Variants in ZDHHC22 observed in about 807,000 individuals in gnomAD.
ZDHHC22 encodes the protein palmitoyltransferase ZDHHC22.
Under a neutral mutation model 17.0 loss-of-function variants are expected in ZDHHC22, and 13 were observed. The ratio of observed to expected loss-of-function variants is 0.76; its 90% CI spans 0.50 to 1.21. ZDHHC22 has a LOEUF of 1.21. Among genes scored for constraint, ZDHHC22 ranks in the 50% most tolerant of loss-of-function variants. The pLI, the probability that ZDHHC22 is intolerant of heterozygous loss-of-function variation, is 0.00. For missense variants in ZDHHC22, 319 were observed against 342.3 expected (o/e 0.93, Z 0.54); for synonymous variants, 138 against 154.7 (o/e 0.89, Z 0.80).
Position 77,132,751 on chromosome 14 carries a change from A to G in ZDHHC22, c.*932T>C, listed in dbSNP as rs1418405183. ...TCCCTCTCACTTCTCCCTTTCCCCT[A>G]GGCATTATTCCTATATGTTTCTAAC... is the stretch of plus-strand genomic sequence containing the variant. On this transcript the variant is annotated 3_prime_UTR_variant, in exon 3 of 3. Coordinates refer to ENST00000319374, the MANE Select transcript of ZDHHC22 (RefSeq NM_174976.2). The G allele has an allele frequency of 6.9e-6, 1 of 145,482 alleles. No homozygotes were observed. The highest frequency in any genetic ancestry group is 1.5e-5 in the Non-Finnish European group (1 of 66,656). The allele number at this position is 145,482 out of a possible 1,614,324, so 9.0% of individuals were successfully genotyped here. A position where few individuals can be genotyped will look rare whatever the true frequency, so the allele number is the denominator to read the frequency against.
At chr14:77,138,266 G>A (rs1447572998) in intron 2 of ZDHHC22, among the ~76,000 whole-genome samples, 2 of 152,204 alleles carry the variant, frequency 1.3e-5, no homozygotes, top group African/African-American at 4.8e-5. Flanking sequence ...TAGTTAAAGT[G>A]CAGTCCTCAG....
At position 77,133,923 on chromosome 14, in the gene ZDHHC22, G is replaced by T; in HGVS notation, c.552C>A (p.Phe184Leu). ...FSGAVLGSEM[F>L]VILMLYLWFA... ...ACCAGAGGTAGAGCATGAGGATGAC[G>T]AACATTTCAGAACCCAGGACAGCTC... The change falls in exon 3 of 3, where the codon TTC becomes TTA. Residue 184 changes from phenylalanine to leucine, a missense_variant. Coordinates refer to ENST00000319374, the MANE Select transcript of ZDHHC22 (RefSeq NM_174976.2). 1 of 1,602,620 alleles carries T rather than the reference G, an allele frequency of 6.2e-7. No individual in the cohort carries two copies. The highest frequency in any genetic ancestry group is 1.1e-5 in the South Asian group (1 of 89,104).
chr14:77,133,640 G>A lies in ZDHHC22; in HGVS notation c.*43C>T. 1 of 1,580,128 alleles carries A rather than the reference G, an allele frequency of 6.3e-7. No homozygotes were observed. The highest frequency in any genetic ancestry group is 1.3e-5 in the African/African-American group (1 of 74,516). On this transcript the variant is annotated 3_prime_UTR_variant, in exon 3 of 3. Coordinates refer to ENST00000319374, the MANE Select transcript of ZDHHC22 (RefSeq NM_174976.2). ...GGCTGCCATGGTTTTATGCTCAGGA[G>A]GAGTCAAGACAGAGACAGAGAGATA... is the stretch of plus-strand genomic sequence containing the variant.
chr14:77,138,411 A>G (rs1887178519), intron 2 of ZDHHC22, among the ~76,000 whole-genome samples: 1 of 152,196 alleles, frequency 6.6e-6, no homozygotes, highest in Non-Finnish European at 1.5e-5. Context: ...TACAAAAATT[A>G]GTGTGGCGTG....
In ZDHHC22 at chr14:77,132,346, C is replaced by T. The variant is rs975951701; in HGVS notation, c.*1337G>A. On this transcript the variant is annotated 3_prime_UTR_variant, in exon 3 of 3. Transcript: ENST00000319374. ...CCCTGTCCTCAAATGTCAGTCCCCT[C>T]AACCACCCAGGTAGCCCTGTCTCTG... is the stretch of plus-strand genomic sequence containing the variant. The T allele has an allele frequency of 2.0e-5, 3 of 152,396 alleles. No homozygotes were observed. Among genetic ancestry groups the T allele is most frequent in the Non-Finnish European group, 4.4e-5 (3 of 68,132 alleles). 9.4% of individuals were successfully genotyped at this position (152,396 alleles called of 1,614,324 possible). A position where few individuals can be genotyped will look rare whatever the true frequency, so the allele number is the denominator to read the frequency against.
chr14:77,136,766 CT>C (rs1232680857), intron 2 of ZDHHC22, among the ~76,000 whole-genome samples: 1 of 152,062 alleles, frequency 6.6e-6, no homozygotes, highest in African/African-American at 2.4e-5. Context: ...AGCTCAATTT[CT>C]TTCTTTCTTT....
chr14:77,137,692 T>A (rs1887164715), intron 2 of ZDHHC22, among the ~76,000 whole-genome samples: 1 of 152,124 alleles, frequency 6.6e-6, no homozygotes, highest in African/African-American at 2.4e-5. Flanking sequence ...CCCCTGTATC[T>A]CTGTGTTCCC....
rs763357932 is a variant in ZDHHC22, at chr14:77,139,269, G to A, written c.470C>T (p.Ala157Val). The change falls in exon 2 of 3, where the codon GCC becomes GTC. Residue 157 changes from alanine (A) to valine (V), a missense_variant. Ala to Val is a moderately conservative substitution (Grantham distance 64). Coordinates refer to ENST00000319374, the MANE Select transcript of ZDHHC22 (RefSeq NM_174976.2). ...GAGCGTGAGGAAGGCCAAGGGGTGGGCGAAGGAGATGGAAAGGACAGCGGA... is the reference window on the plus strand; with the variant it reads ...GAGCGTGAGGAAGGCCAAGGGGTGGACGAAGGAGATGGAAAGGACAGCGGA... Reference protein sequence around the residue: ...YISAVLSISFAHPLAFLTLLP... With the variant: ...YISAVLSISFVHPLAFLTLLP... 4.6e-5 allele frequency: 73 copies of A among 1,595,404 alleles called. No homozygotes were observed. Among genetic ancestry groups the A allele is most frequent in the Non-Finnish European group, 5.8e-5 (68 of 1,171,294 alleles).
intron 2 of ZDHHC22, among the ~76,000 whole-genome samples, chr14:77,139,000 T>C (rs1887189786): frequency 6.6e-6 from 1 of 152,252 alleles, no homozygotes; most frequent in South Asian, 2.1e-4. Flanking sequence ...AGATAGCCAA[T>C]AGCAAATTTT....
rs895795595 is a variant in ZDHHC22 at position 77,139,664 on chromosome 14, C to T, written c.75G>A (p.Leu25=). ...TGCTGGGCAGGAAGAGGAAGAGCTG[C>T]AGCACGAAGGTCACCAGGGAGATGC... The part of the protein sequence containing the change: ...FLCISLVTFV[L]QLFLFLPSMR... Residue 25 remains leucine (L), a synonymous_variant, in exon 2 of 3, where the codon CTG becomes CTA. Transcript: ENST00000319374. The T allele has an allele frequency of 1.3e-6, 2 of 1,567,182 alleles. No individual in the cohort carries two copies. The highest frequency in any genetic ancestry group is 1.7e-6 in the Non-Finnish European group (2 of 1,156,320).
At chr14:77,135,003 G>A (rs1887107420) in intron 2 of ZDHHC22, among the ~76,000 whole-genome samples, 1 of 152,204 alleles carries the variant, frequency 6.6e-6, no homozygotes, top group Non-Finnish European at 1.5e-5. Flanking sequence ...TTCAACTCCT[G>A]AAACTATCAA....
intron 2 of ZDHHC22, 53 bp from the exon 3 acceptor site, chr14:77,134,001 G>C: frequency 1.3e-6 from 2 of 1,494,174 alleles, no homozygotes; most frequent in South Asian, 1.4e-5. Context: ...CCAGGCCACC[G>C]GCATAACTGC....
At chr14:77,134,120 A>T (rs1351962119) in intron 2 of ZDHHC22, among the ~76,000 whole-genome samples, 172 bp from the exon 3 acceptor site, 1 of 152,220 alleles carries the variant, frequency 6.6e-6, no homozygotes, top group Non-Finnish European at 1.5e-5. Flanking sequence ...AGGAAGAACC[A>T]GCTGCCCTAA....
At chr14:77,134,839 A>T (rs1887105153) in intron 2 of ZDHHC22, among the ~76,000 whole-genome samples, 1 of 152,188 alleles carries the variant, frequency 6.6e-6, no homozygotes, top group Non-Finnish European at 1.5e-5. Flanking sequence ...CAGCTCGTTC[A>T]TCTGTACAAT....
rs117728828 is a variant in ZDHHC22, at chr14:77,139,415, G to A, written c.324C>T (p.Asp108=). ...RVCARVTLRH[D]HHCFFTGNCI... is the part of the protein sequence containing the mutation. Reference sequence around the variant, plus strand: ...AGTTGCCGGTGAAGAAACAGTGATGGTCGTGCCTCAGGGTGACTCTGGCGC... The same window carrying A: ...AGTTGCCGGTGAAGAAACAGTGATGATCGTGCCTCAGGGTGACTCTGGCGC... The change falls in exon 2 of 3, where the codon GAC becomes GAT. Residue 108 remains aspartate (D), a synonymous_variant. Transcript: ENST00000319374. 0.017 allele frequency: 27,426 copies of A among 1,611,164 alleles called. 351 individuals are homozygous for A. Among genetic ancestry groups the A allele is most frequent in the Middle Eastern group, 0.053 (323 of 6,062 alleles).
In ZDHHC22 at chr14:77,139,265, G is replaced by A. The variant is rs775859419; in HGVS notation, c.474C>T (p.His158=). 6.3e-7 allele frequency: 1 copy of A among 1,595,002 alleles called. No individual in the cohort carries two copies. Among genetic ancestry groups the A allele is most frequent in the African/African-American group, 1.3e-5 (1 of 74,652 alleles). ...GCAGGAGCGTGAGGAAGGCCAAGGGGTGGGCGAAGGAGATGGAAAGGACAG... is the reference window on the plus strand; with the variant it reads ...GCAGGAGCGTGAGGAAGGCCAAGGGATGGGCGAAGGAGATGGAAAGGACAG... The part of the protein sequence containing the change: ...ISAVLSISFA[H]PLAFLTLLPT... The change falls in exon 2 of 3, where the codon CAC becomes CAT. Residue 158 remains histidine, a synonymous_variant. Coordinates refer to ENST00000319374, the MANE Select transcript of ZDHHC22 (RefSeq NM_174976.2).
In ZDHHC22 at chr14:77,133,539, C is replaced by A; in HGVS notation, c.*144G>T. The A allele has an allele frequency of 8.6e-7, 1 of 1,156,890 alleles. No homozygotes were observed. The highest frequency in any genetic ancestry group is 2.6e-5 in the East Asian group (1 of 39,032). 71.7% of individuals were successfully genotyped at this position (1,156,890 alleles called of 1,614,324 possible). ...TCATGATCCACCAGCTCACGCTGTT[C>A]TCATGGGTGGAAGGTGAGGGGAAGA... On this transcript the variant is annotated 3_prime_UTR_variant, in exon 3 of 3. Transcript: ENST00000319374.
Position 77,133,155 on chromosome 14 carries a change from C to T in ZDHHC22, c.*528G>A, listed in dbSNP as rs1234522140. The T allele has an allele frequency of 6.6e-6, 1 of 152,648 alleles. No homozygotes were observed. The highest frequency in any genetic ancestry group is 2.1e-4 in the South Asian group (1 of 4,838). The allele number at this position is 152,648 out of a possible 1,614,324, so 9.5% of individuals were successfully genotyped here. On this transcript the variant is annotated 3_prime_UTR_variant, in exon 3 of 3. Transcript: ENST00000319374. ...GCAGCAAGCTACTAAGTTCTTTTTCCTACAGAGGGGATGCGGACACACACC... is the reference window on the plus strand; with the variant it reads ...GCAGCAAGCTACTAAGTTCTTTTTCTTACAGAGGGGATGCGGACACACACC...
intron 2 of ZDHHC22, among the ~76,000 whole-genome samples, chr14:77,138,039 G>A (rs565021358): frequency 1.3e-5 from 2 of 152,334 alleles, no homozygotes; most frequent in Non-Finnish European, 2.9e-5. Flanking sequence ...TTCATCATCT[G>A]AGAAATGGAG....
Sources: allele counts gnomAD v4.1 joint callset (sites outside exome capture counted in the v4.1 genomes callset), GRCh38; gene constraint gnomAD v4.1.1; transcripts MANE v1.5; gene names NCBI Gene and HGNC (gene_info 2026-07-23, HGNC 2026-07-21).